The following ANKFN1 variants were observed in gnomAD, a reference collection of about 807,000 sequenced individuals.
ANKFN1 encodes the protein ankyrin repeat and fibronectin type-III domain-containing protein 1.
ANKFN1 carries 74 observed loss-of-function variants against 108.7 expected under a neutral mutation model. The observed-to-expected ratio is 0.68, with a 90% CI of 0.56 to 0.83. The LOEUF is 0.83. Ranked by LOEUF, ANKFN1 falls within the 40% of genes least tolerant of loss-of-function variation. ANKFN1 has a pLI of 0.00. For missense variants in ANKFN1, 1,505 were observed against 1,382.3 expected, an observed-to-expected ratio of 1.09 and a Z score of -1.41; for synonymous variants, 547 against 516.2, an observed-to-expected ratio of 1.06 and a Z score of -0.81.
At chr17:56,364,094 C>CA (rs570819613) in intron 6 of ANKFN1, among the ~76,000 whole-genome samples, 62 of 151,088 alleles carry the variant, frequency 4.1e-4, no homozygotes, top group Non-Finnish European at 8.0e-4. Context: ...GTTCTCACCA[C>CA]AAAAAAAAGA....
chr17:56,132,758 A>G (rs1270976182), intron 4 of ANKFN1, among the ~76,000 whole-genome samples: 1 of 152,130 alleles, frequency 6.6e-6, no homozygotes, highest in Non-Finnish European at 1.5e-5. Context: ...ACTTCTGGCC[A>G]TGTCCTCACA....
At chr17:56,325,289 T>TGTGC (rs1373379136) in intron 3 of ANKFN1, among the ~76,000 whole-genome samples, 38 of 147,600 alleles carry the variant, frequency 2.6e-4, no homozygotes, top group African/African-American at 9.2e-4. Context: ...TGTGTGTGTG[T>TGTGC]GTGCACGTGT....
intron 8 of ANKFN1, among the ~76,000 whole-genome samples, chr17:56,419,946 G>A (rs1015918816): frequency 6.6e-6 from 1 of 151,986 alleles, no homozygotes; most frequent in African/African-American, 2.4e-5. Flanking sequence ...GTCCTAAATA[G>A]ACAGACAATC....
intron 4 of ANKFN1, among the ~76,000 whole-genome samples, chr17:56,119,644 G>A (rs1262471235): frequency 2.6e-5 from 4 of 152,138 alleles, no homozygotes; most frequent in Non-Finnish European, 5.9e-5. Context: ...AGAATTAAGT[G>A]AAGTATGAAA....
At position 56,510,841 on chromosome 17, in the gene ANKFN1, CACCCCCACTA is replaced by C; in HGVS notation, c.3014_3023del (p.His1005LeufsTer57). The C allele has an allele frequency of 1.3e-6, 2 of 1,536,190 alleles. No individual in the cohort carries two copies. Among genetic ancestry groups the C allele is most frequent in the Non-Finnish European group, 1.7e-6 (2 of 1,146,924 alleles). ...CCTGGGAAAGCGGAAGCCAGGCAAGCACCCCCACTATGGCGGCTTCAGCCGCCATCATCGC... is the reference window on the plus strand; with the variant it reads ...CCTGGGAAAGCGGAAGCCAGGCAAGCTGGCGGCTTCAGCCGCCATCATCGC... On this transcript the variant is annotated frameshift_variant, in exon 21 of 21. Transcript: ENST00000682825. LOFTEE classifies it low-confidence loss of function (END_TRUNC).
chr17:56,226,774 T>C (rs1256978771), intron 2 of ANKFN1, among the ~76,000 whole-genome samples: 1 of 152,192 alleles, frequency 6.6e-6, no homozygotes. Context: ...TCTGGTTGGC[T>C]AGTTCAATGG....
chr17:56,170,807 T>G (rs11867455), intron 1 of ANKFN1, among the ~76,000 whole-genome samples: 2 of 61,452 alleles, frequency 3.3e-5, no homozygotes, highest in Non-Finnish European at 5.6e-5. Context: ...TATATATATA[T>G]ACACACACAC....
At chr17:56,093,312 C>T (rs897886085) in intron 4 of ANKFN1, among the ~76,000 whole-genome samples, 2 of 151,162 alleles carry the variant, frequency 1.3e-5, no homozygotes, top group Admixed American at 1.3e-4. Flanking sequence ...TGTCAGTCTA[C>T]TTGGGCTTAA....
At chr17:56,317,547 A>G (rs2045244096) in intron 3 of ANKFN1, among the ~76,000 whole-genome samples, 1 of 152,202 alleles carries the variant, frequency 6.6e-6, no homozygotes, top group African/African-American at 2.4e-5. Context: ...GATTAGAGTA[A>G]CAGAAGGGGA....
intron 8 of ANKFN1, among the ~76,000 whole-genome samples, chr17:56,410,174 C>T (rs1265138862): frequency 6.6e-6 from 1 of 152,192 alleles, no homozygotes; most frequent in Non-Finnish European, 1.5e-5. Context: ...CAACCTCCAC[C>T]TCCCAGGTTC....
chr17:56,373,084 G>C (rs1477439149), intron 7 of ANKFN1, among the ~76,000 whole-genome samples: 2 of 152,124 alleles, frequency 1.3e-5, no homozygotes, highest in African/African-American at 4.8e-5. Flanking sequence ...TCTCCACCAT[G>C]TCACACTCAT....
chr17:56,475,715 A>G (rs976054962), intron 15 of ANKFN1, among the ~76,000 whole-genome samples: 7 of 152,192 alleles, frequency 4.6e-5, no homozygotes, highest in African/African-American at 1.7e-4. Context: ...AAGCTAATTA[A>G]CATATCCATC....
intron 8 of ANKFN1, among the ~76,000 whole-genome samples, chr17:56,382,363 C>A (rs1369680211): frequency 1.3e-5 from 2 of 152,180 alleles, no homozygotes; most frequent in Non-Finnish European, 2.9e-5. Flanking sequence ...CGGTACCAGC[C>A]ACTACAAAAT....
intron 4 of ANKFN1, among the ~76,000 whole-genome samples, chr17:56,102,562 TC>T (rs538035544): frequency 3.6e-4 from 54 of 152,070 alleles, no homozygotes; most frequent in Non-Finnish European, 6.9e-4. Flanking sequence ...AAGCAGTGGC[TC>T]TCAAACAGGG....
At chr17:56,176,053 T>G (rs1911119286) in intron 1 of ANKFN1, among the ~76,000 whole-genome samples, 1 of 151,176 alleles carries the variant, frequency 6.6e-6, no homozygotes, top group South Asian at 2.1e-4. Context: ...GAGTGTGACA[T>G]GAAGGGGGGT....
chr17:56,188,581 G>GTCTATATATATA (rs1212242378), intron 1 of ANKFN1, among the ~76,000 whole-genome samples: 1 of 49,668 alleles, frequency 2.0e-5, no homozygotes, highest in Non-Finnish European at 3.4e-5. Context: ...GTGTGTGTGT[G>GTCTATATATATA]TATATATATA....
intron 20 of ANKFN1, among the ~76,000 whole-genome samples, chr17:56,510,207 A>C (rs957577682): frequency 2.0e-5 from 3 of 152,214 alleles, no homozygotes; most frequent in South Asian, 4.1e-4. Flanking sequence ...CTCTACTTCT[A>C]TCTGGGCTGA....
intron 4 of ANKFN1, among the ~76,000 whole-genome samples, chr17:56,117,212 G>A (rs1362631263): frequency 6.6e-6 from 1 of 152,156 alleles, no homozygotes; most frequent in Non-Finnish European, 1.5e-5. Flanking sequence ...AGAGCCTGAA[G>A]TGGGGCCAAG....
At chr17:56,170,793 T>TATATATATATATATATATATATAC in intron 1 of ANKFN1, among the ~76,000 whole-genome samples, 1 of 62,940 alleles carries the variant, frequency 1.6e-5, no homozygotes, top group South Asian at 8.4e-4. Context: ...TATATATATA[T>TATATATATATATATATATATATAC]ATATATATAT....
Sources: gnomAD v4.1 joint callset for allele counts (sites outside exome capture counted in the v4.1 genomes callset) on GRCh38, gnomAD v4.1.1 for gene constraint, MANE v1.5 for transcripts, NCBI Gene and HGNC (gene_info 2026-07-23, HGNC 2026-07-21) for gene names.